The following PTPRQ variants were observed in gnomAD, a reference collection of about 807,000 sequenced individuals.
PTPRQ encodes protein tyrosine phosphatase receptor type Q.
A neutral mutation model predicts 246.0 loss-of-function variants in PTPRQ; 199 were observed. The observed-to-expected ratio is 0.81, with a 90% confidence interval of 0.72 to 0.91. The LOEUF is 0.91. Ranked by LOEUF, PTPRQ falls within the 40% of genes least tolerant of loss-of-function variation. The pLI is 0.00. For missense variants in PTPRQ, 2,624 were observed against 2,528.4 expected, an observed-to-expected ratio of 1.04 and a Z score of -0.81; for synonymous variants, 869 against 853.2, an observed-to-expected ratio of 1.02 and a Z score of -0.32.
At chr12:80,599,566 C>T (rs1419811335) in intron 26 of PTPRQ, among the ~76,000 whole-genome samples, 1 of 151,640 alleles carries the variant, frequency 6.6e-6, no homozygotes, top group Non-Finnish European at 1.5e-5. Flanking sequence ...CTGTAGCCAC[C>T]CTTATGTGAC....
In PTPRQ at chr12:80,547,830, G is replaced by A. The variant is rs7978466; in HGVS notation, c.4015+1133G>A. Among the ~76,000 whole-genome samples, 363 of 152,252 alleles carry A rather than the reference G, an allele frequency of 2.4e-3. 2 individuals are homozygous for A. The highest frequency in any genetic ancestry group is 7.9e-3 in the African/African-American group (330 of 41,550). ...ACACAGTAAATGCCCACTTCATAGA[G>A]TGTTGGACACACAGTAAATGACCCC... On this transcript the variant is annotated intron_variant, in intron 24 of 44. Coordinates refer to ENST00000644991, the MANE Select transcript of PTPRQ (RefSeq NM_001145026.2).
intron 25 of PTPRQ, among the ~76,000 whole-genome samples, chr12:80,569,322 T>C (rs978405194): frequency 2.3e-4 from 33 of 143,764 alleles, no homozygotes; most frequent in Non-Finnish European, 7.5e-5. Context: ...TAGTATTCCA[T>C]GGTGTATATG....
intron 26 of PTPRQ, among the ~76,000 whole-genome samples, chr12:80,591,299 A>G (rs887951738): frequency 4.6e-5 from 7 of 151,722 alleles, no homozygotes; most frequent in African/African-American, 9.7e-5. Context: ...CTAATTTTAA[A>G]AACAATTTTG....
chr12:80,671,959 G>A (rs1362457753), intron 42 of PTPRQ, among the ~76,000 whole-genome samples: 1 of 151,998 alleles, frequency 6.6e-6, no homozygotes, highest in African/African-American at 2.4e-5. Context: ...CCTCAGGTCT[G>A]TTCTCATTTT....
intron 39 of PTPRQ, among the ~76,000 whole-genome samples, chr12:80,665,482 T>C (rs1271786986): frequency 2.6e-5 from 4 of 152,032 alleles, no homozygotes; most frequent in African/African-American, 9.7e-5. Flanking sequence ...CATTCCTACC[T>C]GAATATCTAA....
chr12:80,540,564 A>G (rs1463424382), intron 20 of PTPRQ, among the ~76,000 whole-genome samples: 1 of 152,028 alleles, frequency 6.6e-6, no homozygotes, highest in Non-Finnish European at 1.5e-5. Context: ...CTTATTTTCA[A>G]AGATTAATCC....
At chr12:80,448,328 C>T (rs1181190413) in intron 3 of PTPRQ, among the ~76,000 whole-genome samples, 1 of 152,046 alleles carries the variant, frequency 6.6e-6, no homozygotes, top group East Asian at 1.9e-4. Flanking sequence ...ACAATTGTGT[C>T]ATCAGTGAAC....
intron 17 of PTPRQ, among the ~76,000 whole-genome samples, chr12:80,520,980 G>C (rs1592608845): frequency 1.3e-5 from 2 of 151,984 alleles, no homozygotes; most frequent in South Asian, 4.2e-4. Context: ...CCCACCAACA[G>C]TGTAAAAGTG....
chr12:80,604,225 T>C (rs867695069), intron 26 of PTPRQ, among the ~76,000 whole-genome samples: 1 of 151,502 alleles, frequency 6.6e-6, no homozygotes, highest in African/African-American at 2.4e-5. Flanking sequence ...TCATTAGAAT[T>C]GACTAGGGGC....
At chr12:80,445,858 CACCT>C in intron 3 of PTPRQ, 141 bp downstream of exon 3, 1 of 576,370 alleles carries the variant, frequency 1.7e-6, no homozygotes, top group Non-Finnish European at 3.0e-6. Context: ...GCCTCACACC[CACCT>C]GAGATTTTAA....
intron 25 of PTPRQ, among the ~76,000 whole-genome samples, chr12:80,550,457 A>G (rs1056768310): frequency 3.3e-5 from 5 of 152,164 alleles, no homozygotes; most frequent in African/African-American, 1.2e-4. Context: ...ATCAAGACAT[A>G]GTCTGCCTTC....
chr12:80,469,338 C>T (rs1273291600), intron 7 of PTPRQ, among the ~76,000 whole-genome samples: 1 of 152,126 alleles, frequency 6.6e-6, no homozygotes, highest in African/African-American at 2.4e-5. Flanking sequence ...AATTTTTGGG[C>T]AGCTTTATAA....
intron 23 of PTPRQ, among the ~76,000 whole-genome samples, chr12:80,545,842 A>G (rs1592637728): frequency 2.0e-5 from 3 of 150,740 alleles, no homozygotes; most frequent in Admixed American, 1.3e-4. Flanking sequence ...TGAAGAATAA[A>G]TAAATTTACA....
At position 80,678,226 on chromosome 12, in the gene PTPRQ, G is replaced by A. The variant is rs567317099; in HGVS notation, c.6739-376G>A. Reference sequence around the variant, plus strand: ...GATTTCAAAAGTAAATTTAGCATTTGTATTCCAACAGTCATTCTAACAAGA... The same window carrying A: ...GATTTCAAAAGTAAATTTAGCATTTATATTCCAACAGTCATTCTAACAAGA... On this transcript the variant is annotated intron_variant, in intron 43 of 44. Coordinates refer to ENST00000644991, the MANE Select transcript of PTPRQ (RefSeq NM_001145026.2). Among the ~76,000 whole-genome samples the A allele has an allele frequency of 2.0e-5, 3 of 152,278 alleles. No homozygotes were observed. The South Asian group carries it at 6.2e-4, about 32-fold the overall frequency.
At chr12:80,598,025 A>AT (rs1013570367) in intron 26 of PTPRQ, among the ~76,000 whole-genome samples, 3 of 151,836 alleles carry the variant, frequency 2.0e-5, no homozygotes, top group Admixed American at 6.6e-5. Context: ...TCTATTTTGT[A>AT]TTTTTTTTCT....
At chr12:80,449,474 G>T (rs1592513289) in intron 3 of PTPRQ, among the ~76,000 whole-genome samples, 1 of 152,170 alleles carries the variant, frequency 6.6e-6, no homozygotes, top group Non-Finnish European at 1.5e-5. Context: ...GAATGGTAAT[G>T]CCTAGGTTTA....
intron 35 of PTPRQ, among the ~76,000 whole-genome samples, chr12:80,636,173 A>C (rs1899641662): frequency 6.6e-6 from 1 of 152,228 alleles, no homozygotes; most frequent in African/African-American, 2.4e-5. Context: ...CTTTTTAAAC[A>C]TTCAGATGTT....
chr12:80,542,390 A>G (rs1896182436), intron 22 of PTPRQ, 26 bp downstream of exon 22: 1 of 1,516,650 alleles, frequency 6.6e-7, no homozygotes, highest in African/African-American at 1.4e-5. Flanking sequence ...CATTTCTTCA[A>G]ACAATTTCAC....
At chr12:80,603,879 T>C (rs975027371) in intron 26 of PTPRQ, among the ~76,000 whole-genome samples, 4 of 151,672 alleles carry the variant, frequency 2.6e-5, no homozygotes, top group Non-Finnish European at 3.0e-5. Flanking sequence ...TTTCTATTTA[T>C]CCCTTATCTT....
Sources: allele counts gnomAD v4.1 joint callset (sites outside exome capture counted in the v4.1 genomes callset), GRCh38; gene constraint gnomAD v4.1.1; transcripts MANE v1.5; gene names NCBI Gene and HGNC (gene_info 2026-07-23, HGNC 2026-07-21).